EPM2A: variants seen among roughly 807,000 people sequenced by gnomAD.
The protein encoded by EPM2A is EPM2A glucan phosphatase, laforin, also known as laforin.
Under a neutral mutation model 26.5 loss-of-function variants are expected in EPM2A, and 21 were observed. That is an observed-to-expected ratio of 0.79 (90% CI 0.56 to 1.14). The LOEUF (loss-of-function observed/expected upper bound fraction) is 1.14, where lower values mean the gene tolerates loss of function less well. Ranked by LOEUF, EPM2A falls within the 50% of genes most tolerant of loss-of-function variation. EPM2A has a pLI of 0.00. For missense variants in EPM2A, 458 were observed against 440.8 expected (o/e 1.04, Z -0.35); for synonymous variants, 217 against 177.6 (o/e 1.22, Z -1.76).
At chr6:145,732,501 C>A (rs969678933) in intron 1 of EPM2A, among the ~76,000 whole-genome samples, 1 of 151,710 alleles carries the variant, frequency 6.6e-6, no homozygotes, top group Admixed American at 6.6e-5. Context: ...GGAAAAAATT[C>A]TATTTCCAAG....
chr6:145,601,111 A>C (rs1193248351), intron 2 of EPM2A, among the ~76,000 whole-genome samples: 1 of 152,200 alleles, frequency 6.6e-6, no homozygotes, highest in Non-Finnish European at 1.5e-5. Context: ...TTGACTTTTT[A>C]GTAGCAATTC....
At chr6:145,491,474 T>G (rs1375426560) in intron 4 of EPM2A, among the ~76,000 whole-genome samples, 1 of 152,178 alleles carries the variant, frequency 6.6e-6, no homozygotes, top group Non-Finnish European at 1.5e-5. Context: ...GCCGTCCCTT[T>G]GAAGTCAAGC....
At chr6:145,474,104 C>G (rs939606926) in intron 4 of EPM2A, among the ~76,000 whole-genome samples, 1 of 151,992 alleles carries the variant, frequency 6.6e-6, no homozygotes, top group South Asian at 2.1e-4. Flanking sequence ...ATCATAAGTA[C>G]AACAATTTTT....
chr6:145,423,471 C>T (rs1195699727), intron 4 of EPM2A, among the ~76,000 whole-genome samples: 1 of 152,066 alleles, frequency 6.6e-6, no homozygotes, highest in Non-Finnish European at 1.5e-5. Context: ...TATGTCCTGT[C>T]ATATGGAAGG....
rs111973216 is a variant in EPM2A, at chr6:145,516,772, T to C, written c.341-14197A>G. Among the ~76,000 whole-genome samples, 531 of 152,258 alleles carry C rather than the reference T, an allele frequency of 3.5e-3. 7 individuals are homozygous for C. The highest frequency in any genetic ancestry group is 0.012 in the African/African-American group (512 of 41,568). On this transcript the variant is annotated intron_variant, in intron 2 of 3. Transcript: ENST00000450221. ...AGTGGGTATAAAAGGATTGTCTCAA[T>C]GGAAAACCATATGGCATTTTCTTAA...
chr6:145,613,844 A>G (rs1034454577), intron 2 of EPM2A, among the ~76,000 whole-genome samples: 11 of 152,242 alleles, frequency 7.2e-5, no homozygotes, highest in African/African-American at 2.7e-4. Flanking sequence ...GATAAGATTT[A>G]GCATAATTCT....
rs1342653924 is a variant in EPM2A at position 145,635,179 on chromosome 6, T to C, written c.718+66A>G. 2.8e-5 allele frequency: 45 copies of C among 1,580,620 alleles called. No homozygotes were observed. In the South Asian group the frequency reaches 4.2e-4, roughly 15 times the overall value. On this transcript the variant is annotated intron_variant, in intron 3 of 3. Coordinates refer to ENST00000367519, the MANE Select transcript of EPM2A (RefSeq NM_005670.4). ...CATTTTTAAGATATTAAATTATAGA[T>C]AGACAGACAGACAGCAAGGGTTTCT...
At chr6:145,384,828 A>G (rs977558749) in intron 4 of EPM2A, among the ~76,000 whole-genome samples, 1 of 148,062 alleles carries the variant, frequency 6.8e-6, no homozygotes, top group Non-Finnish European at 1.5e-5. Context: ...TCTGTATTTC[A>G]TAGAAGAAAG....
rs746207017 is a variant in EPM2A at position 145,627,125 on chromosome 6, C to T, written c.*291G>A. On this transcript the variant is annotated 3_prime_UTR_variant, in exon 4 of 4. Transcript: ENST00000367519. ...ATACAGTGCTGTAAAGCAAAGGCCT[C>T]GTCTGCCTGCAGGCAGCAGGAACTG... The T allele has an allele frequency of 3.7e-5, 49 of 1,320,164 alleles. No homozygotes were observed. The highest frequency in any genetic ancestry group is 4.4e-5 in the Non-Finnish European group (45 of 1,027,888). The allele number at this position is 1,320,164 out of a possible 1,614,324, so 81.8% of individuals were successfully genotyped here.
chr6:145,583,205 G>A (rs1781139049), intron 2 of EPM2A, among the ~76,000 whole-genome samples: 1 of 152,146 alleles, frequency 6.6e-6, no homozygotes, highest in Non-Finnish European at 1.5e-5. Context: ...GAACTAGTGT[G>A]GTCATTTGGA....
In EPM2A at chr6:145,431,478, A is replaced by AT. The variant is rs571982429; in HGVS notation, c.556-47382dup. ...ATATTGCAATAAAGTGAGCCACATA[A>AT]TTTTTTTGTTTTTCCCAGTATATAT... On this transcript the variant is annotated intron_variant, in intron 4 of 4. Coordinates refer to the EPM2A transcript ENST00000638717. Among the ~76,000 whole-genome samples the AT allele has an allele frequency of 1.1e-4, 17 of 152,276 alleles. No individual in the cohort carries two copies. In the East Asian group the frequency reaches 3.3e-3, roughly 29 times the overall value.
Position 145,626,256 on chromosome 6 carries a change from T to A in EPM2A, c.*1160A>T, listed in dbSNP as rs117854418. ...AAGTTGTTCATCTCTGTATTTCCTGTAGAACCTAGGGTGATGAGCTGCATA... is the reference window on the plus strand; with the variant it reads ...AAGTTGTTCATCTCTGTATTTCCTGAAGAACCTAGGGTGATGAGCTGCATA... On this transcript the variant is annotated 3_prime_UTR_variant, in exon 4 of 4. Transcript: ENST00000367519. The A allele has an allele frequency of 0.014, 14,369 of 990,982 alleles. 110 individuals carry two copies. Among genetic ancestry groups the A allele is most frequent in the Admixed American group, 0.017 (299 of 17,348 alleles). 61.4% of individuals were successfully genotyped at this position (990,982 alleles called of 1,614,324 possible).
At position 145,658,338 on chromosome 6, in the gene EPM2A, A is replaced by T. The variant is rs17725081; in HGVS notation, c.477-22852T>A. 4.1e-3 allele frequency among the ~76,000 whole-genome samples: 627 copies of T among 152,266 alleles called. 18 individuals carry two copies. In the East Asian group the frequency reaches 0.07, roughly 17 times the overall value. On this transcript the variant is annotated intron_variant, in intron 2 of 3. Transcript: ENST00000367519. ...TATGGCCTTCTTATTTTTAATGAGG[A>T]TCTGTAGCTTGAATTTACCATTTAC...
chr6:145,635,499 T>C lies in EPM2A; in HGVS notation c.477-13A>G, dbSNP rs778452911. 9.3e-6 allele frequency: 15 copies of C among 1,613,600 alleles called. No individual in the cohort carries two copies. In the Admixed American group the frequency reaches 2.0e-4, roughly 22 times the overall value. ...ATTTGGTAGAATTCTAATGAGAACA[T>C]ATGGAGACAACTATCACTAGTGTTG... On this transcript the variant is annotated splice_polypyrimidine_tract_variant and intron_variant, in intron 2 of 3. Transcript: ENST00000367519.
At chr6:145,537,914 C>A (rs1461139100) in intron 2 of EPM2A, among the ~76,000 whole-genome samples, 4 of 152,034 alleles carry the variant, frequency 2.6e-5, no homozygotes, top group Admixed American at 1.3e-4. Context: ...CATCCATGTC[C>A]CTGCAAAGGA....
chr6:145,468,414 TG>T lies in EPM2A; in HGVS notation c.555+34107del, dbSNP rs1261020648. On this transcript the variant is annotated intron_variant, in intron 4 of 4. Coordinates refer to the EPM2A transcript ENST00000638717. ...CTGCCAACTGAAATTATTATAATAA[TG>T]TAATTCTGGCATAAACTTTGACTAT... Among the ~76,000 whole-genome samples the T allele has an allele frequency of 2.6e-5, 4 of 152,290 alleles. No individual in the cohort carries two copies. The East Asian group carries it at 7.7e-4, about 29-fold the overall frequency.
chr6:145,696,439 C>T (rs1187699397), intron 1 of EPM2A, among the ~76,000 whole-genome samples: 5 of 152,036 alleles, frequency 3.3e-5, no homozygotes, highest in Admixed American at 6.6e-5. Context: ...GGTTTCTCTC[C>T]ACATAAAATA....
Position 145,626,941 on chromosome 6 carries a change from A to T in EPM2A, c.*475T>A. On this transcript the variant is annotated 3_prime_UTR_variant, in exon 4 of 4. Transcript: ENST00000367519. ...TGACCATAGTGAGCTCTTCTTTTGT[A>T]ACGGTTCAGGCTTCTAACCTTATTT... 1 of 1,011,214 alleles carries T rather than the reference A, an allele frequency of 9.9e-7. No homozygotes were observed. The highest frequency in any genetic ancestry group is 4.1e-5 in the South Asian group (1 of 24,340). The allele number at this position is 1,011,214 out of a possible 1,614,324, so 62.6% of individuals were successfully genotyped here. A position where few individuals can be genotyped will look rare whatever the true frequency, so the allele number is the denominator to read the frequency against.
intron 2 of EPM2A, among the ~76,000 whole-genome samples, chr6:145,557,784 A>G (rs529276242): frequency 6.6e-6 from 1 of 152,218 alleles, no homozygotes; most frequent in South Asian, 2.1e-4. Context: ...CAAGAACACA[A>G]TATTTTGTTA....
Sources: allele counts gnomAD v4.1 joint callset (sites outside exome capture counted in the v4.1 genomes callset), GRCh38; gene constraint gnomAD v4.1.1; transcripts MANE v1.5; gene names NCBI Gene and HGNC (gene_info 2026-07-23, HGNC 2026-07-21).